The following SSBP2 variants were observed in gnomAD, a reference collection of about 807,000 sequenced individuals.
The protein encoded by SSBP2 is single-stranded DNA-binding protein 2.
SSBP2 carries 17 observed loss-of-function variants against 61.8 expected under a neutral mutation model. The observed-to-expected ratio is 0.28, with a 90% CI of 0.19 to 0.41. The LOEUF is 0.41. Ranked by LOEUF, SSBP2 falls within the 10% of genes least tolerant of loss-of-function variation. The pLI, the probability that SSBP2 is intolerant of heterozygous loss-of-function variation, is 1.00. For synonymous variants in SSBP2, 139 were observed against 141.3 expected (o/e 0.98, Z 0.12); for missense variants, 310 against 458.7 (o/e 0.68, Z 2.96).
intron 1 of SSBP2, among the ~76,000 whole-genome samples, chr5:81,729,458 TG>T (rs1317440198): frequency 6.6e-6 from 1 of 152,062 alleles, no homozygotes; most frequent in Non-Finnish European, 1.5e-5. Context: ...CCTATGGGGC[TG>T]GGGGTTGTAG....
chr5:81,671,529 T>C (rs1333861968), intron 1 of SSBP2, among the ~76,000 whole-genome samples: 1 of 152,116 alleles, frequency 6.6e-6, no homozygotes, highest in Non-Finnish European at 1.5e-5. Flanking sequence ...TTTAGTACCA[T>C]AAGGATAATT....
At chr5:81,614,501 G>A (rs1205882792) in intron 4 of SSBP2, among the ~76,000 whole-genome samples, 1 of 152,046 alleles carries the variant, frequency 6.6e-6, no homozygotes, top group Non-Finnish European at 1.5e-5. Flanking sequence ...TTCAGTCTAA[G>A]GCTGAATTAT....
At chr5:81,458,750 TC>T (rs2153993661) in intron 10 of SSBP2, among the ~76,000 whole-genome samples, 2 of 152,282 alleles carry the variant, frequency 1.3e-5, no homozygotes, top group African/African-American at 4.8e-5. Context: ...CACAAAATGA[TC>T]CATGGTTTTT....
At chr5:81,434,633 CAAAAA>C (rs34269591) in intron 15 of SSBP2, among the ~76,000 whole-genome samples, 3 of 43,014 alleles carry the variant, frequency 7.0e-5, no homozygotes, top group African/African-American at 1.9e-4. Flanking sequence ...ACTCTTGACT[CAAAAA>C]AAAAAAAAAA....
intron 1 of SSBP2, among the ~76,000 whole-genome samples, chr5:81,720,744 C>T (rs1401254215): frequency 6.6e-6 from 1 of 152,138 alleles, no homozygotes; most frequent in East Asian, 1.9e-4. Flanking sequence ...TTAGGAATCA[C>T]AGTTTGGTTT....
chr5:81,732,397 G>A (rs901628266), intron 1 of SSBP2, among the ~76,000 whole-genome samples: 3 of 152,012 alleles, frequency 2.0e-5, no homozygotes, highest in Admixed American at 1.3e-4. Flanking sequence ...AATGCACTCC[G>A]TAAATTTACT....
At chr5:81,438,348 C>CA (rs11303330) in intron 14 of SSBP2, among the ~76,000 whole-genome samples, 150 of 104,664 alleles carry the variant, frequency 1.4e-3, no homozygotes, top group East Asian at 9.4e-3. Flanking sequence ...GAGACTGTCT[C>CA]AAAAAAAAAA....
intron 4 of SSBP2, among the ~76,000 whole-genome samples, chr5:81,586,166 T>C (rs142048680): frequency 6.5e-4 from 99 of 152,320 alleles, no homozygotes; most frequent in East Asian, 3.3e-3. Flanking sequence ...TACCTAGAAT[T>C]AGAATTTCTG....
chr5:81,696,753 G>A (rs1435899375), intron 1 of SSBP2, among the ~76,000 whole-genome samples: 1 of 152,172 alleles, frequency 6.6e-6, no homozygotes, highest in East Asian at 1.9e-4. Context: ...GGTGGGCAGA[G>A]GGGGGCAGCA....
At chr5:81,432,425 C>A (rs1762350379) in intron 15 of SSBP2, among the ~76,000 whole-genome samples, 1 of 152,148 alleles carries the variant, frequency 6.6e-6, no homozygotes, top group Non-Finnish European at 1.5e-5. Context: ...ATACGAACTG[C>A]AGAATTTCCT....
At chr5:81,659,223 AT>A (rs1328938344) in intron 1 of SSBP2, among the ~76,000 whole-genome samples, 3 of 152,182 alleles carry the variant, frequency 2.0e-5, no homozygotes, top group African/African-American at 7.2e-5. Flanking sequence ...AGGAAGTCAA[AT>A]TGTCTCTGTT....
At chr5:81,667,024 A>G (rs1751191296) in intron 1 of SSBP2, among the ~76,000 whole-genome samples, 1 of 152,172 alleles carries the variant, frequency 6.6e-6, no homozygotes, top group African/African-American at 2.4e-5. Context: ...GTAAACAACT[A>G]AAAACTGGAT....
chr5:81,502,607 C>T (rs1212544014), intron 5 of SSBP2, among the ~76,000 whole-genome samples: 1 of 152,236 alleles, frequency 6.6e-6, no homozygotes, highest in South Asian at 2.1e-4. Context: ...GCATGTCTAA[C>T]AGCCATCTCA....
intron 15 of SSBP2, among the ~76,000 whole-genome samples, chr5:81,434,423 C>T (rs1176180157): frequency 2.0e-5 from 3 of 151,652 alleles, no homozygotes; most frequent in East Asian, 1.9e-4. Flanking sequence ...TTTGAGAGGC[C>T]GAGGTGGATG....
At chr5:81,666,928 A>G (rs1751183471) in intron 1 of SSBP2, among the ~76,000 whole-genome samples, 2 of 152,252 alleles carry the variant, frequency 1.3e-5, no homozygotes, top group African/African-American at 4.8e-5. Context: ...GCTGTACTCT[A>G]TTTCAATGTT....
At chr5:81,724,650 T>G (rs1422509511) in intron 1 of SSBP2, among the ~76,000 whole-genome samples, 1 of 151,862 alleles carries the variant, frequency 6.6e-6, no homozygotes, top group Admixed American at 6.6e-5. Flanking sequence ...TCCTAAGAAA[T>G]TACAGACCCA....
At chr5:81,433,682 A>AT (rs1762488381) in intron 15 of SSBP2, among the ~76,000 whole-genome samples, 1 of 152,074 alleles carries the variant, frequency 6.6e-6, no homozygotes, top group African/African-American at 2.4e-5. Flanking sequence ...TGTTTCATTG[A>AT]TTAAATGGGT....
chr5:81,640,319 G>C (rs367841449), intron 2 of SSBP2, among the ~76,000 whole-genome samples: 3 of 152,018 alleles, frequency 2.0e-5, no homozygotes, highest in African/African-American at 7.2e-5. Flanking sequence ...CAGCCTGGGC[G>C]ACAGAGTGAG....
At chr5:81,709,339 C>T (rs1195567724) in intron 1 of SSBP2, among the ~76,000 whole-genome samples, 1 of 151,818 alleles carries the variant, frequency 6.6e-6, no homozygotes, top group African/African-American at 2.4e-5. Context: ...ATTATTTTTC[C>T]ATTTTCTTCT....
Sources: allele counts gnomAD v4.1 joint callset (sites outside exome capture counted in the v4.1 genomes callset), GRCh38; gene constraint gnomAD v4.1.1; transcripts MANE v1.5; gene names NCBI Gene and HGNC (gene_info 2026-07-23, HGNC 2026-07-21).